The following FAF1 variants were observed in gnomAD, a reference collection of about 807,000 sequenced individuals.
FAF1 encodes Fas associated factor 1.
Under a neutral mutation model 92.5 loss-of-function variants are expected in FAF1, and 25 were observed. The ratio of observed to expected loss-of-function variants is 0.27; its 90% CI spans 0.20 to 0.38. The LOEUF (loss-of-function observed/expected upper bound fraction) is 0.38. Among genes scored for constraint, FAF1 ranks in the 10% least tolerant of loss-of-function variants. The pLI is 1.00. For synonymous variants in FAF1, 234 were observed against 273.2 expected, an observed-to-expected ratio of 0.86 and a Z score of 1.42; for missense variants, 636 against 793.3, an observed-to-expected ratio of 0.80 and a Z score of 2.38.
At chr1:50,452,683 T>G (rs1203096293) in intron 18 of FAF1, among the ~76,000 whole-genome samples, 6 of 152,230 alleles carry the variant, frequency 3.9e-5, no homozygotes, top group African/African-American at 9.6e-5. Flanking sequence ...GGTTTAGAAC[T>G]GTTAAGTTAG....
intron 4 of FAF1, 34 bp from the exon 5 acceptor site, chr1:50,744,809 C>A: frequency 8.1e-7 from 1 of 1,241,258 alleles, no homozygotes; most frequent in Non-Finnish European, 1.2e-6. Context: ...ATATTACTAA[C>A]AAAATAACAC....
intron 2 of FAF1, among the ~76,000 whole-genome samples, chr1:50,842,196 A>G (rs1644261529): frequency 6.6e-6 from 1 of 152,100 alleles, no homozygotes; most frequent in Non-Finnish European, 1.5e-5. Flanking sequence ...TTTCATGTTG[A>G]CTAACTAAAA....
At chr1:50,940,278 C>G (rs1259170357) in intron 1 of FAF1, among the ~76,000 whole-genome samples, 1 of 152,178 alleles carries the variant, frequency 6.6e-6, no homozygotes, top group Non-Finnish European at 1.5e-5. Flanking sequence ...TATTTCATAT[C>G]ATCAAATATC....
chr1:50,651,788 T>C (rs533376206), intron 8 of FAF1, among the ~76,000 whole-genome samples: 9 of 152,324 alleles, frequency 5.9e-5, no homozygotes, highest in African/African-American at 2.2e-4. Flanking sequence ...ATGCCTCCAC[T>C]TGAATGATTT....
intron 3 of FAF1, among the ~76,000 whole-genome samples, chr1:50,796,244 G>A (rs543471001): frequency 6.6e-6 from 1 of 151,934 alleles, no homozygotes; most frequent in Non-Finnish European, 1.5e-5. Context: ...TCTTCTTGCA[G>A]TTTGCACACT....
At chr1:50,759,129 ATC>A (rs761470597) in intron 4 of FAF1, among the ~76,000 whole-genome samples, 3 of 151,780 alleles carry the variant, frequency 2.0e-5, no homozygotes, top group Non-Finnish European at 2.9e-5. Context: ...TTATTCTTAA[ATC>A]TCTCTTTTAT....
chr1:50,589,747 T>C (rs1004064952), intron 9 of FAF1, among the ~76,000 whole-genome samples: 11 of 152,226 alleles, frequency 7.2e-5, no homozygotes, highest in Non-Finnish European at 8.8e-5. Context: ...CAAGATATCA[T>C]TGCCAAATCC....
intron 2 of FAF1, among the ~76,000 whole-genome samples, chr1:50,818,885 T>C (rs12058197): frequency 0.086 from 13,154 of 152,078 alleles, 589 homozygotes; most frequent in African/African-American, 0.098. Flanking sequence ...CCAGTCTAAA[T>C]ACAAATTCAT....
intron 15 of FAF1, among the ~76,000 whole-genome samples, chr1:50,513,716 T>C (rs1332046432): frequency 6.6e-6 from 1 of 152,218 alleles, no homozygotes; most frequent in African/African-American, 2.4e-5. Flanking sequence ...TAAAGTCTTA[T>C]ATTTCAAAGC....
intron 1 of FAF1, among the ~76,000 whole-genome samples, chr1:50,865,778 T>G (rs1004351838): frequency 1.4e-5 from 2 of 145,474 alleles, no homozygotes; most frequent in African/African-American, 5.1e-5. Context: ...GCATGGCACA[T>G]GTATACATAT....
At chr1:50,699,775 G>C (rs1482131510) in intron 7 of FAF1, among the ~76,000 whole-genome samples, 1 of 152,060 alleles carries the variant, frequency 6.6e-6, no homozygotes, top group Non-Finnish European at 1.5e-5. Flanking sequence ...CTGTCAGGGT[G>C]CTTCAAAGTC....
chr1:50,872,882 A>G (rs1362777942), intron 1 of FAF1, among the ~76,000 whole-genome samples: 6 of 151,542 alleles, frequency 4.0e-5, no homozygotes, highest in Admixed American at 6.6e-5. Flanking sequence ...CTGGGCAACA[A>G]CAGCGAAACT....
intron 8 of FAF1, among the ~76,000 whole-genome samples, chr1:50,606,562 C>T (rs1306848773): frequency 1.5e-5 from 2 of 136,278 alleles, no homozygotes; most frequent in Middle Eastern, 5.0e-3. Flanking sequence ...TGCAATGGCA[C>T]GATCTCAGCT....
chr1:50,705,375 C>T (rs956025990), intron 7 of FAF1, among the ~76,000 whole-genome samples: 1 of 152,184 alleles, frequency 6.6e-6, no homozygotes, highest in Non-Finnish European at 1.5e-5. Flanking sequence ...GAAAAGTCCC[C>T]TCAAATTCCT....
chr1:50,645,889 C>T (rs559445958), intron 8 of FAF1, among the ~76,000 whole-genome samples: 1 of 151,730 alleles, frequency 6.6e-6, no homozygotes, highest in African/African-American at 2.4e-5. Flanking sequence ...CAAGAAAATA[C>T]TATTGACAAA....
intron 7 of FAF1, among the ~76,000 whole-genome samples, chr1:50,680,057 T>C (rs1397233614): frequency 6.6e-6 from 1 of 152,220 alleles, no homozygotes; most frequent in African/African-American, 2.4e-5. Context: ...TACTTTTGTT[T>C]CATGTTGAAT....
At chr1:50,826,325 T>C (rs1338784564) in intron 2 of FAF1, among the ~76,000 whole-genome samples, 1 of 151,570 alleles carries the variant, frequency 6.6e-6, no homozygotes, top group East Asian at 1.9e-4. Flanking sequence ...CTGAAGCGGG[T>C]GGATCACTTG....
chr1:50,549,202 G>C (rs558208716), intron 13 of FAF1, among the ~76,000 whole-genome samples: 1 of 152,220 alleles, frequency 6.6e-6, no homozygotes, highest in Admixed American at 6.5e-5. Context: ...CCTACTCAGA[G>C]CAGAGATTTA....
At position 50,535,355 on chromosome 1, in the gene FAF1, C is replaced by G. The variant is rs1424368473; in HGVS notation, c.1494+14G>C. 2 of 1,549,200 alleles carry G rather than the reference C, an allele frequency of 1.3e-6. No individual in the cohort carries two copies. Among genetic ancestry groups the G allele is most frequent in the Non-Finnish European group, 1.8e-6 (2 of 1,123,492 alleles). ...ATCTCATCAAAATCCTATTAAAGAT[C>G]TGCATAACCTTACCTCGTCCTTTAT... On this transcript the variant is annotated intron_variant, in intron 15 of 18. Transcript: ENST00000396153.
Sources: allele counts gnomAD v4.1 joint callset (sites outside exome capture counted in the v4.1 genomes callset), GRCh38; gene constraint gnomAD v4.1.1; transcripts MANE v1.5; gene names NCBI Gene and HGNC (gene_info 2026-07-23, HGNC 2026-07-21).